Variants in ABHD5 observed in about 807,000 individuals in gnomAD.
The protein encoded by ABHD5 is abhydrolase domain containing 5, lysophosphatidic acid acyltransferase.
A neutral mutation model predicts 44.9 loss-of-function variants in ABHD5; 30 were observed. The observed-to-expected ratio is 0.67, with a 90% CI of 0.50 to 0.91. The LOEUF (loss-of-function observed/expected upper bound fraction) is 0.91, where lower values mean the gene tolerates loss of function less well. Ranked by LOEUF, ABHD5 falls within the 40% of genes least tolerant of loss-of-function variation. ABHD5 has a pLI of 0.00. For synonymous variants in ABHD5, 167 were observed against 147.0 expected, an observed-to-expected ratio of 1.14 and a Z score of -0.99; for missense variants, 399 against 423.4, an observed-to-expected ratio of 0.94 and a Z score of 0.50.
intron 3 of ABHD5, among the ~76,000 whole-genome samples, chr3:43,705,312 G>T (rs2084602373): frequency 6.6e-6 from 1 of 152,130 alleles, no homozygotes; most frequent in East Asian, 1.9e-4. Flanking sequence ...AGCAGGCAAA[G>T]ATTTCAGTTT....
At position 43,708,897 on chromosome 3, in the gene ABHD5, C is replaced by T. The variant is rs894137823; in HGVS notation, c.507-2812C>T. On this transcript the variant is annotated intron_variant, in intron 3 of 6. Transcript: ENST00000644371. Reference sequence around the variant, plus strand: ...ATATACATTAATACAATTTTGTGGCCGGTATTCAATGCTTATGATTTATTT... The same window carrying T: ...ATATACATTAATACAATTTTGTGGCTGGTATTCAATGCTTATGATTTATTT... Among the ~76,000 whole-genome samples the T allele has an allele frequency of 5.3e-5, 8 of 152,108 alleles. No individual in the cohort carries two copies. In the East Asian group the frequency reaches 1.2e-3, roughly 22 times the overall value.
chr3:43,710,939 A>G (rs2084681305), intron 3 of ABHD5, among the ~76,000 whole-genome samples: 1 of 152,250 alleles, frequency 6.6e-6, no homozygotes, highest in South Asian at 2.1e-4. Context: ...GAAGTTTCAT[A>G]AGATGGAAAA....
At chr3:43,728,523 C>T (rs999062354) in intron 7 of ABHD5, among the ~76,000 whole-genome samples, 1 of 152,062 alleles carries the variant, frequency 6.6e-6, no homozygotes, top group South Asian at 2.1e-4. Flanking sequence ...CTCCACTCTC[C>T]AAAAAATGAT....
In ABHD5 at chr3:43,718,473, G is replaced by A; in HGVS notation, c.991G>A (p.Ala331Thr). 1.9e-6 allele frequency: 3 copies of A among 1,614,098 alleles called. No individual in the cohort carries two copies. Among genetic ancestry groups the A allele is most frequent in the Non-Finnish European group, 2.5e-6 (3 of 1,179,994 alleles). Residue 331 changes from alanine to threonine, a missense_variant, in exon 7 of 7, where the codon GCA (alanine) becomes ACA (threonine). Physicochemically the swap from Ala to Thr is moderately conservative, Grantham distance 58. Transcript: ENST00000644371. ...TCTTGGGGCAGGACATTATGTATAT[G>A]CAGATCAACCAGAAGAATTCAACCA... ...AILGAGHYVY[A>T]DQPEEFNQKV... is the part of the protein sequence containing the mutation.
chr3:43,727,602 T>TTTTG (rs139096338), downstream of ABHD5, among the ~76,000 whole-genome samples: 456 of 152,150 alleles, frequency 3.0e-3, 2 homozygotes, highest in African/African-American at 0.01. Context: ...TACTACTGTT[T>TTTTG]TTTGTTTGTT....
At chr3:43,716,462 C>G (rs1383020436) in intron 5 of ABHD5, among the ~76,000 whole-genome samples, 3 of 152,140 alleles carry the variant, frequency 2.0e-5, no homozygotes, top group Admixed American at 6.5e-5. Flanking sequence ...CAGCCTCCCT[C>G]TCTTTTATTT....
intron 1 of ABHD5, among the ~76,000 whole-genome samples, chr3:43,692,274 ATTTG>A (rs1296977890): frequency 6.6e-6 from 1 of 152,186 alleles, no homozygotes; most frequent in Non-Finnish European, 1.5e-5. Flanking sequence ...AGTTTTGTTT[ATTTG>A]TTGAGGTTTG....
intron 1 of ABHD5, among the ~76,000 whole-genome samples, chr3:43,693,050 G>A (rs144438213): frequency 7.0e-4 from 107 of 152,306 alleles, no homozygotes; most frequent in African/African-American, 2.4e-3. Context: ...CCTTTCAGTT[G>A]CAATACAGTT....
Position 43,718,460 on chromosome 3 carries a change from A to G in ABHD5, c.978A>G (p.Gly326=). 6.2e-7 allele frequency: 1 copy of G among 1,614,146 alleles called. No individual in the cohort carries two copies. The highest frequency in any genetic ancestry group is 2.2e-5 in the East Asian group (1 of 44,870). Residue 326 remains glycine (G), a synonymous_variant, in exon 7 of 7, where the codon GGA becomes GGG. Transcript: ENST00000644371. ...TTATCCAGGCTATTCTTGGGGCAGG[A>G]CATTATGTATATGCAGATCAACCAG... The part of the protein sequence containing the change: ...YVKTIAILGA[G]HYVYADQPEE...
chr3:43,698,574 A>G lies in ABHD5; in HGVS notation c.48-702A>G, dbSNP rs564007522. Among the ~76,000 whole-genome samples, 3 of 152,194 alleles carry G rather than the reference A, an allele frequency of 2.0e-5. No homozygotes were observed. In the East Asian group the frequency reaches 5.8e-4, roughly 29 times the overall value. On this transcript the variant is annotated intron_variant, in intron 1 of 6. Transcript: ENST00000644371. ...AAAGTATGTCAACTGCAGCCTCCCC[A>G]TGCCTTTCCTCACTAGCTGCCTCAG...
chr3:43,697,235 A>T (rs1008279348), intron 1 of ABHD5, among the ~76,000 whole-genome samples: 6 of 152,282 alleles, frequency 3.9e-5, no homozygotes, highest in South Asian at 2.1e-4. Context: ...GTCGTTTTTT[A>T]AAAAAGTATC....
chr3:43,717,811 G>A lies in ABHD5; in HGVS notation c.914G>A (p.Gly305Asp). 6.2e-7 allele frequency: 1 copy of A among 1,614,180 alleles called. No individual in the cohort carries two copies. The change falls in exon 6 of 7, where the codon GGC becomes GAC. Residue 305 changes from glycine (G) to aspartate (D), a missense_variant. By Grantham distance (94) the Gly-to-Asp change is moderately conservative (BLOSUM62 -1). Transcript: ENST00000644371. ...GARSCIDGNS[G>D]TSIQSLRPHS... ...CGATCCTGCATAGATGGCAATTCTG[G>A]CACCAGCATCCAGTCCTTACGACCA...
At chr3:43,704,334 C>A (rs190716731) in intron 3 of ABHD5, among the ~76,000 whole-genome samples, 1 of 152,162 alleles carries the variant, frequency 6.6e-6, no homozygotes, top group Non-Finnish European at 1.5e-5. Flanking sequence ...CCACCGCACC[C>A]GCTGGTGTTA....
intron 7 of ABHD5, among the ~76,000 whole-genome samples, chr3:43,731,254 C>T (rs546466146): frequency 3.9e-5 from 6 of 152,284 alleles, no homozygotes; most frequent in South Asian, 2.1e-4. Flanking sequence ...AAGGATCGTT[C>T]GCTAAAGCTA....
chr3:43,732,399 C>T (rs958045657), intron 7 of ABHD5, among the ~76,000 whole-genome samples: 1 of 152,064 alleles, frequency 6.6e-6, no homozygotes, highest in Non-Finnish European at 1.5e-5. Context: ...CACTGCACTC[C>T]AGCCTGAGTG....
At position 43,711,710 on chromosome 3, in the gene ABHD5, G is replaced by T. The variant is rs749652842; in HGVS notation, c.508G>T (p.Val170Phe). The T allele has an allele frequency of 1.3e-5, 21 of 1,613,966 alleles. No individual in the cohort carries two copies. The East Asian group carries it at 4.0e-4, about 31-fold the overall frequency. ...AAYSLKYPSR[V>F]NHLILVEPWG... Reference sequence around the variant, plus strand: ...TAAATATATTCTTTCCCCCAACAGGGTTAATCATCTCATTTTAGTGGAGCC... The same window carrying T: ...TAAATATATTCTTTCCCCCAACAGGTTTAATCATCTCATTTTAGTGGAGCC... Residue 170 changes from valine to phenylalanine, a missense_variant and splice_region_variant, in exon 4 of 7, where the codon GTT (valine) becomes TTT (phenylalanine). Coordinates refer to ENST00000644371, the MANE Select transcript of ABHD5 (RefSeq NM_016006.6).
rs1196204973 is a variant in ABHD5 at position 43,691,026 on chromosome 3, G to A, written c.34G>A (p.Asp12Asn). ...AAEEEEVDSA[D>N]TGERSGWLTG... ...GGAGGAGGAGGAGGTGGACTCTGCC[G>A]ACACCGGAGAGAGGTAAGCGCAGCC... Residue 12 changes from aspartate to asparagine, a missense_variant, in exon 1 of 7, where the codon GAC becomes AAC. Physicochemically the swap from Asp to Asn is conservative, Grantham distance 23. Transcript: ENST00000644371. 17 of 1,562,450 alleles carry A rather than the reference G, an allele frequency of 1.1e-5. No individual in the cohort carries two copies. Among genetic ancestry groups the A allele is most frequent in the Non-Finnish European group, 1.5e-5 (17 of 1,156,876 alleles).
At chr3:43,715,185 G>A in intron 5 of ABHD5, 127 bp downstream of exon 5, 1 of 689,784 alleles carries the variant, frequency 1.4e-6, no homozygotes, top group Non-Finnish European at 2.4e-6. Context: ...TTCAATACGG[G>A]GTTTCGCTCT....
downstream of ABHD5, among the ~76,000 whole-genome samples, chr3:43,727,454 G>A (rs1249450010): frequency 6.6e-6 from 1 of 152,166 alleles, no homozygotes; most frequent in Non-Finnish European, 1.5e-5. Flanking sequence ...TTACCATGCT[G>A]AAAGAATGCT....
Sources: allele counts gnomAD v4.1 joint callset (sites outside exome capture counted in the v4.1 genomes callset), GRCh38; gene constraint gnomAD v4.1.1; transcripts MANE v1.5; gene names NCBI Gene and HGNC (gene_info 2026-07-23, HGNC 2026-07-21).